Variants in EPM2A observed in about 807,000 individuals in gnomAD.
EPM2A encodes EPM2A glucan phosphatase, laforin, also known as laforin.
EPM2A carries 21 observed loss-of-function variants against 26.5 expected under a neutral mutation model. The observed-to-expected ratio is 0.79, with a 90% CI of 0.56 to 1.14. EPM2A has a LOEUF of 1.14. EPM2A is among the 50% of genes most tolerant of loss of function. The probability of loss-of-function intolerance (pLI) is 0.00; values close to 1 mark genes in which losing one functional copy is unlikely to be tolerated. For missense variants in EPM2A, 458 were observed against 440.8 expected (o/e 1.04, Z -0.35); for synonymous variants, 217 against 177.6 (o/e 1.22, Z -1.76).
intron 4 of EPM2A, among the ~76,000 whole-genome samples, chr6:145,414,016 G>A (rs182116553): frequency 6.6e-6 from 1 of 152,252 alleles, no homozygotes; most frequent in Non-Finnish European, 1.5e-5. Flanking sequence ...AGGCAGGGAA[G>A]TTTACTTGAC....
rs74317399 is a variant in EPM2A, at chr6:145,646,733, A to C, written c.477-11247T>G. ...GTCATCTATATGCTGGTAAACTCCA[A>C]ATCCATTATCTCTAGCTCAGACTTC... On this transcript the variant is annotated intron_variant, in intron 2 of 3. Coordinates refer to ENST00000367519, the MANE Select transcript of EPM2A (RefSeq NM_005670.4). Among the ~76,000 whole-genome samples, 739 of 152,096 alleles carry C rather than the reference A, an allele frequency of 4.9e-3. 9 individuals carry two copies. Among genetic ancestry groups the C allele is most frequent in the African/African-American group, 0.017 (707 of 41,494 alleles).
At chr6:145,579,203 C>T (rs1220968449) in intron 2 of EPM2A, among the ~76,000 whole-genome samples, 1 of 152,058 alleles carries the variant, frequency 6.6e-6, no homozygotes, top group African/African-American at 2.4e-5. Context: ...ACCTTATTCT[C>T]TCTGTACTCT....
intron 1 of EPM2A, among the ~76,000 whole-genome samples, chr6:145,733,648 C>G (rs535489040): frequency 1.2e-4 from 19 of 152,112 alleles, no homozygotes; most frequent in African/African-American, 4.1e-4. Flanking sequence ...TTCTACAATA[C>G]TATGAAAAAT....
intron 1 of EPM2A, among the ~76,000 whole-genome samples, chr6:145,701,634 C>A (rs1242003524): frequency 6.6e-6 from 1 of 152,134 alleles, no homozygotes; most frequent in Non-Finnish European, 1.5e-5. Context: ...TGATTCATTC[C>A]ATTGCTACCT....
At chr6:145,496,037 T>A (rs918087795) in intron 4 of EPM2A, among the ~76,000 whole-genome samples, 4 of 152,174 alleles carry the variant, frequency 2.6e-5, no homozygotes, top group African/African-American at 7.2e-5. Flanking sequence ...CTCTAAAGGA[T>A]CTTATTTCTT....
chr6:145,389,004 T>A (rs1052974972), intron 4 of EPM2A, among the ~76,000 whole-genome samples: 2 of 152,158 alleles, frequency 1.3e-5, no homozygotes, highest in African/African-American at 4.8e-5. Context: ...AGTAGAATGA[T>A]TTAAAATCCT....
At chr6:145,465,525 C>A (rs1779377867) in intron 4 of EPM2A, among the ~76,000 whole-genome samples, 1 of 84,022 alleles carries the variant, frequency 1.2e-5, no homozygotes, top group Non-Finnish European at 2.3e-5. Context: ...AACTGCGTTC[C>A]TTTGGAGAGG....
At position 145,419,191 on chromosome 6, in the gene EPM2A, C is replaced by T. The variant is rs377229463; in HGVS notation, c.556-35094G>A. On this transcript the variant is annotated intron_variant, in intron 4 of 4. Transcript: ENST00000638717. ...AATTCTGTTAAATGTCCCCCCCCCCCGCTCCTTTCCCCAGCAGCGCATGGC... is the reference window on the plus strand; with the variant it reads ...AATTCTGTTAAATGTCCCCCCCCCCTGCTCCTTTCCCCAGCAGCGCATGGC... 2.2e-3 allele frequency among the ~76,000 whole-genome samples: 316 copies of T among 141,578 alleles called. 9 individuals are homozygous for T. Among genetic ancestry groups the T allele is most frequent in the African/African-American group, 7.5e-3 (297 of 39,726 alleles). 92.9% of individuals were successfully genotyped at this position (141,578 alleles called of 152,430 possible).
intron 4 of EPM2A, among the ~76,000 whole-genome samples, chr6:145,387,345 T>C (rs1041224904): frequency 1.3e-5 from 2 of 152,170 alleles, no homozygotes; most frequent in Admixed American, 1.3e-4. Flanking sequence ...TCTTCAGACA[T>C]CCTCAACAGG....
intron 4 of EPM2A, among the ~76,000 whole-genome samples, chr6:145,474,605 A>G (rs1311538664): frequency 6.6e-6 from 1 of 152,176 alleles, no homozygotes; most frequent in Non-Finnish European, 1.5e-5. Flanking sequence ...TGGCAACAAA[A>G]GCCATTGACA....
chr6:145,668,087 C>T (rs1270152767), intron 2 of EPM2A, among the ~76,000 whole-genome samples: 1 of 149,226 alleles, frequency 6.7e-6, no homozygotes, highest in Non-Finnish European at 1.5e-5. Flanking sequence ...GTGGGTGCAG[C>T]GCACCAGCAT....
chr6:145,479,833 C>A (rs1407666984), intron 4 of EPM2A, among the ~76,000 whole-genome samples: 4 of 152,044 alleles, frequency 2.6e-5, no homozygotes, highest in African/African-American at 9.7e-5. Flanking sequence ...GGACCACCAA[C>A]TATTTTCCAT....
At chr6:145,514,933 G>A (rs982629950) in intron 2 of EPM2A, among the ~76,000 whole-genome samples, 4 of 152,178 alleles carry the variant, frequency 2.6e-5, no homozygotes, top group African/African-American at 4.8e-5. Flanking sequence ...TGGCCTAAAG[G>A]ACATTCCTTC....
intron 4 of EPM2A, among the ~76,000 whole-genome samples, chr6:145,455,981 C>G (rs993265335): frequency 4.6e-5 from 7 of 152,056 alleles, no homozygotes; most frequent in Admixed American, 4.6e-4. Flanking sequence ...TCCCAAGATA[C>G]CCCTTGGAGA....
chr6:145,393,432 C>T (rs920748102), intron 4 of EPM2A, among the ~76,000 whole-genome samples: 2 of 147,098 alleles, frequency 1.4e-5, no homozygotes, highest in Non-Finnish European at 3.0e-5. Context: ...AAATGTGGCT[C>T]AAAAAAAAAA....
chr6:145,471,805 T>A (rs995365019), intron 4 of EPM2A, among the ~76,000 whole-genome samples: 4 of 152,180 alleles, frequency 2.6e-5, no homozygotes, highest in South Asian at 2.1e-4. Flanking sequence ...CTAAGAAAAC[T>A]TGAAAGTCAG....
At chr6:145,674,090 G>C (rs1488050137) in intron 2 of EPM2A, among the ~76,000 whole-genome samples, 6 of 152,158 alleles carry the variant, frequency 3.9e-5, no homozygotes, top group Admixed American at 1.3e-4. Flanking sequence ...GAAGCTTCCA[G>C]AGGAAGGATC....
intron 1 of EPM2A, among the ~76,000 whole-genome samples, chr6:145,733,534 A>G (rs1390762120): frequency 1.3e-5 from 2 of 152,220 alleles, no homozygotes; most frequent in Admixed American, 6.5e-5. Context: ...TTAACGGCAT[A>G]GGGAGGACTA....
chr6:145,420,654 G>A (rs1318224353), intron 4 of EPM2A, among the ~76,000 whole-genome samples: 1 of 152,024 alleles, frequency 6.6e-6, no homozygotes, highest in Non-Finnish European at 1.5e-5. Flanking sequence ...ATAATTTATG[G>A]TACTAATTAT....
Sources: allele counts gnomAD v4.1 joint callset (sites outside exome capture counted in the v4.1 genomes callset), GRCh38; gene constraint gnomAD v4.1.1; transcripts MANE v1.5; gene names NCBI Gene and HGNC (gene_info 2026-07-23, HGNC 2026-07-21).